Variants in MACROD2 observed in about 807,000 individuals in gnomAD.
The protein encoded by MACROD2 is ADP-ribose glycohydrolase MACROD2.
In MACROD2, 36 loss-of-function variants were observed where a neutral mutation model predicts 70.4. That is an observed-to-expected ratio of 0.51 (90% CI 0.39 to 0.68). MACROD2 has a LOEUF of 0.68. Ranked by LOEUF, MACROD2 falls within the 30% of genes least tolerant of loss-of-function variation. MACROD2 has a pLI of 0.00. For synonymous variants in MACROD2, 172 were observed against 178.8 expected (o/e 0.96, Z 0.30); for missense variants, 496 against 538.4 (o/e 0.92, Z 0.78).
intron 6 of MACROD2, among the ~76,000 whole-genome samples, chr20:15,303,709 T>G (rs1040844521): frequency 1.3e-5 from 2 of 152,202 alleles, no homozygotes; most frequent in African/African-American, 4.8e-5. Flanking sequence ...AGAGTAACAT[T>G]CTCACTGGCC....
chr20:15,307,492 TACAC>T (rs1274916110), intron 6 of MACROD2, among the ~76,000 whole-genome samples: 8 of 152,196 alleles, frequency 5.3e-5, no homozygotes, highest in African/African-American at 9.7e-5. Flanking sequence ...CCTCTCTCCT[TACAC>T]ACACACGTAT....
At chr20:14,660,481 C>A (rs1986171544) in intron 4 of MACROD2, among the ~76,000 whole-genome samples, 1 of 152,090 alleles carries the variant, frequency 6.6e-6, no homozygotes, top group Admixed American at 6.6e-5. Context: ...TTGTATATGA[C>A]ACTATGCTAG....
chr20:14,391,420 TGAG>T (rs2083525322), intron 3 of MACROD2, among the ~76,000 whole-genome samples: 1 of 151,934 alleles, frequency 6.6e-6, no homozygotes, highest in Non-Finnish European at 1.5e-5. Flanking sequence ...AACTAAATGA[TGAG>T]AACAAATGGA....
chr20:14,134,999 G>A (rs1409890101), intron 3 of MACROD2, among the ~76,000 whole-genome samples: 1 of 151,854 alleles, frequency 6.6e-6, no homozygotes, highest in Non-Finnish European at 1.5e-5. Flanking sequence ...ATTTTTAAAA[G>A]CAACTATGTT....
intron 6 of MACROD2, among the ~76,000 whole-genome samples, chr20:15,370,485 C>T (rs1568755806): frequency 6.6e-6 from 1 of 151,802 alleles, no homozygotes; most frequent in Non-Finnish European, 1.5e-5. Flanking sequence ...GCTTACTGCC[C>T]AATAATATTT....
At chr20:15,101,868 CCTG>C in intron 5 of MACROD2, among the ~76,000 whole-genome samples, 1 of 151,516 alleles carries the variant, frequency 6.6e-6, no homozygotes, top group Non-Finnish European at 1.5e-5. Flanking sequence ...TGGTTTTTTC[CCTG>C]CTAAAATTAT....
At chr20:15,041,892 G>C (rs16995243) in intron 5 of MACROD2, among the ~76,000 whole-genome samples, 3,670 of 152,202 alleles carry the variant, frequency 0.024, 151 homozygotes, top group African/African-American at 0.083. Flanking sequence ...ATTTAACATA[G>C]AGATTTTTAG....
intron 2 of MACROD2, among the ~76,000 whole-genome samples, chr20:14,038,764 C>T (rs921937624): frequency 2.0e-5 from 3 of 151,922 alleles, no homozygotes; most frequent in African/African-American, 2.4e-5. Flanking sequence ...AATCACTGAA[C>T]GTTGTCTCAG....
At chr20:15,048,332 G>A (rs1216307890) in intron 5 of MACROD2, among the ~76,000 whole-genome samples, 2 of 152,056 alleles carry the variant, frequency 1.3e-5, no homozygotes, top group African/African-American at 4.8e-5. Context: ...CCACTGATAT[G>A]TAAAGGAGTT....
intron 3 of MACROD2, among the ~76,000 whole-genome samples, chr20:14,195,971 C>T (rs1462638978): frequency 6.6e-6 from 1 of 152,158 alleles, no homozygotes; most frequent in African/African-American, 2.4e-5. Context: ...CACAAGACAC[C>T]TACAGACAGC....
chr20:15,594,053 G>T (rs369101091), intron 8 of MACROD2, among the ~76,000 whole-genome samples: 2 of 152,146 alleles, frequency 1.3e-5, no homozygotes, highest in African/African-American at 4.8e-5. Context: ...GGTCAGTGCT[G>T]TCATCCCTGG....
At chr20:15,162,415 G>A (rs1374580374) in intron 5 of MACROD2, among the ~76,000 whole-genome samples, 2 of 151,994 alleles carry the variant, frequency 1.3e-5, no homozygotes, top group Middle Eastern at 3.2e-3. Flanking sequence ...GGTTATATTC[G>A]TGGTGAAAGG....
intron 6 of MACROD2, among the ~76,000 whole-genome samples, chr20:15,242,613 G>A (rs970700382): frequency 8.6e-5 from 13 of 152,032 alleles, no homozygotes; most frequent in East Asian, 1.9e-4. Flanking sequence ...ATGTTTAGGA[G>A]TAGATTTAAT....
intron 3 of MACROD2, among the ~76,000 whole-genome samples, chr20:14,133,744 A>C (rs537672741): frequency 6.6e-6 from 1 of 152,214 alleles, no homozygotes; most frequent in Non-Finnish European, 1.5e-5. Context: ...TGTATTTTGC[A>C]TACTGTGGTG....
In MACROD2 at chr20:15,324,805, C is replaced by A. The variant is rs190340451; in HGVS notation, c.540+94744C>A. ...GTTGGTCTTTAGCACAATTAAAGAA[C>A]CTATTAGCTAAATCCCTGGCAGGCC... On this transcript the variant is annotated intron_variant, in intron 6 of 17. Coordinates refer to ENST00000684519, the MANE Select transcript of MACROD2 (RefSeq NM_001351661.2). Among the ~76,000 whole-genome samples, 197 of 152,202 alleles carry A rather than the reference C, an allele frequency of 1.3e-3. 2 individuals are homozygous for A. The highest frequency in any genetic ancestry group is 1.2e-3 in the Non-Finnish European group (83 of 68,018).
At chr20:15,942,936 A>G (rs184086906) in intron 12 of MACROD2, among the ~76,000 whole-genome samples, 14 of 152,284 alleles carry the variant, frequency 9.2e-5, no homozygotes, top group Admixed American at 8.5e-4. Context: ...AACAAAATCA[A>G]TTAATACTCA....
intron 13 of MACROD2, among the ~76,000 whole-genome samples, chr20:15,984,703 A>G (rs1420990509): frequency 1.3e-5 from 2 of 151,718 alleles, no homozygotes; most frequent in African/African-American, 2.4e-5. Context: ...TAAGGCCACA[A>G]GATTAGAAGT....
At chr20:14,013,272 T>G (rs1481066391) in intron 2 of MACROD2, among the ~76,000 whole-genome samples, 2 of 147,798 alleles carry the variant, frequency 1.4e-5, no homozygotes, top group Non-Finnish European at 3.0e-5. Context: ...AACTGTACTT[T>G]CTTTTTTTTT....
intron 6 of MACROD2, among the ~76,000 whole-genome samples, chr20:15,333,062 G>T (rs2078009877): frequency 6.6e-6 from 1 of 151,648 alleles, no homozygotes; most frequent in African/African-American, 2.4e-5. Flanking sequence ...ATAATTGGAA[G>T]AAATGAAAGT....
Sources: gnomAD v4.1 joint callset for allele counts (sites outside exome capture counted in the v4.1 genomes callset) on GRCh38, gnomAD v4.1.1 for gene constraint, MANE v1.5 for transcripts, NCBI Gene and HGNC (gene_info 2026-07-23, HGNC 2026-07-21) for gene names.